The following PBDC1 variants were observed in gnomAD, a reference collection of about 807,000 sequenced individuals.
PBDC1 encodes the protein protein PBDC1.
Under a neutral mutation model 12.0 loss-of-function variants are expected in PBDC1, and 3 were observed. The observed-to-expected ratio is 0.25, with a 90% CI of 0.11 to 0.64. The LOEUF is 0.64. Ranked by LOEUF, PBDC1 falls within the 30% of genes least tolerant of loss-of-function variation. The pLI is 0.84. For synonymous variants in PBDC1, 64 were observed against 56.4 expected (o/e 1.13, Z -0.60); for missense variants, 162 against 168.1 (o/e 0.96, Z 0.20).
At chrX:76,176,074 G>A (rs1184509903) in intron 4 of PBDC1, among the ~76,000 whole-genome samples, 1 of 111,590 alleles carries the variant, frequency 9.0e-6, no homozygotes, top group Non-Finnish European at 1.9e-5. Flanking sequence ...GGAAAAAAAT[G>A]TTTTCCTTGA....
intron 2 of PBDC1, among the ~76,000 whole-genome samples, chrX:76,174,306 C>T (rs182815566): frequency 5.4e-5 from 6 of 111,126 alleles, no homozygotes; most frequent in African/African-American, 9.8e-5. Flanking sequence ...ATGCAAATGG[C>T]TTTTTCTGGA....
At chrX:76,176,286 T>C (rs1429556828) in intron 4 of PBDC1, among the ~76,000 whole-genome samples, 1 of 110,132 alleles carries the variant, frequency 9.1e-6, no homozygotes, top group Non-Finnish European at 1.9e-5. Flanking sequence ...CCCTAGTAGG[T>C]GGGACTGCAG....
chrX:76,174,789 G>A (rs1924747470), intron 2 of PBDC1, 101 bp from the exon 3 acceptor site: 2 of 602,308 alleles, frequency 3.3e-6, no homozygotes, highest in Middle Eastern at 3.2e-4. Context: ...AAGTTTGGTA[G>A]CCCTCTTGAG....
Position 76,177,753 on chromosome X carries a change from G to A in PBDC1, c.547G>A (p.Glu183Lys), listed in dbSNP as rs782526685. 1 of 1,208,745 alleles carries A rather than the reference G, an allele frequency of 8.3e-7. No homozygotes were observed. Among genetic ancestry groups the A allele is most frequent in the Non-Finnish European group, 1.1e-6 (1 of 894,331 alleles). ...AGGAGAAAAAAGAGCTGACAGTGGA[G>A]AAGAAGAGAACACCAAGAATGGAGG... Reference protein sequence around the residue: ...NGGEKRADSGEEENTKNGGEK... With the variant: ...NGGEKRADSGKEENTKNGGEK... The change falls in exon 6 of 6, where the codon GAA becomes AAA. Residue 183 changes from glutamate (E) to lysine (K), a missense_variant. This residue lies in a region of PBDC1 where 100 missense variants were observed against 96.2 expected (regional missense o/e 1.04). Coordinates refer to ENST00000373358, the MANE Select transcript of PBDC1 (RefSeq NM_016500.5).
In PBDC1 at chrX:76,173,647, C is replaced by A; in HGVS notation, c.93C>A (p.Asn31Lys). 1.7e-6 allele frequency: 2 copies of A among 1,180,280 alleles called. No homozygotes were observed. The highest frequency in any genetic ancestry group is 2.3e-6 in the Non-Finnish European group (2 of 877,286). Residue 31 changes from asparagine (N) to lysine (K), a missense_variant, in exon 2 of 6, where the codon AAC becomes AAA. Around this residue, in one of 3 missense-constraint regions of PBDC1, gnomAD observed 41 missense variants for 28.5 expected, o/e 1.44. Coordinates refer to ENST00000373358, the MANE Select transcript of PBDC1 (RefSeq NM_016500.5). ...ALSLPAESYG[N>K]DPDIEMAWAM... is the part of the protein sequence containing the mutation. ...CTCTCCCAGCAGAGTCGTATGGCAA[C>A]GATGTGAGTATGACTCACCCACAGC...
Position 76,173,567 on chromosome X carries a change from CT to C in PBDC1, c.31-13del, listed in dbSNP as rs1556796632. 3 of 1,180,963 alleles carry C rather than the reference CT, an allele frequency of 2.5e-6. No homozygotes were observed. The highest frequency in any genetic ancestry group is 3.0e-5 in the East Asian group (1 of 33,126). ...CCGGCCTTGGGGGGAGCCTTGAACT[CT>C]TTTTCCTCCTTTCTAGGTTTCCGGG... On this transcript the variant is annotated splice_polypyrimidine_tract_variant and intron_variant, in intron 1 of 5. Coordinates refer to ENST00000373358, the MANE Select transcript of PBDC1 (RefSeq NM_016500.5).
In PBDC1 at chrX:76,175,058, G is replaced by A. The variant is rs184332824; in HGVS notation, c.156+109G>A. 11 of 651,530 alleles carry A rather than the reference G, an allele frequency of 1.7e-5. No individual in the cohort carries two copies. The East Asian group carries it at 3.0e-4, about 18-fold the overall frequency. 53.7% of individuals were successfully genotyped at this position (651,530 alleles called of 1,213,427 possible). ...GTTAAACAGTTGTGTTTTGGAGATC[G>A]TTTTTATTAATGTAAGTTCTTACCC... On this transcript the variant is annotated intron_variant, in intron 3 of 5. Coordinates refer to ENST00000373358, the MANE Select transcript of PBDC1 (RefSeq NM_016500.5).
rs781806861 is a variant in PBDC1, at chrX:76,177,972, A to G, written c.*64A>G. ...TTGAGACTACAAGTACCACGGTGCTACTTGCACAGACCCCTTTGGTTAAAT... is the reference window on the plus strand; with the variant it reads ...TTGAGACTACAAGTACCACGGTGCTGCTTGCACAGACCCCTTTGGTTAAAT... On this transcript the variant is annotated 3_prime_UTR_variant, in exon 6 of 6. Coordinates refer to ENST00000373358, the MANE Select transcript of PBDC1 (RefSeq NM_016500.5). 8.4e-7 allele frequency: 1 copy of G among 1,188,687 alleles called. No individual in the cohort carries two copies. The highest frequency in any genetic ancestry group is 1.8e-5 in the African/African-American group (1 of 55,875).
chrX:76,173,209 G>A (rs1272922872), intron 1 of PBDC1, 41 bp downstream of exon 1: 41 of 1,080,896 alleles, frequency 3.8e-5, no homozygotes, highest in Non-Finnish European at 5.0e-5. Context: ...GGGAGGTCGA[G>A]CCAGGTGGAG....
At chrX:76,177,275 C>T (rs1430746902) in intron 5 of PBDC1, among the ~76,000 whole-genome samples, 1 of 111,337 alleles carries the variant, frequency 9.0e-6, no homozygotes, top group Non-Finnish European at 1.9e-5. Flanking sequence ...AGGCCAGGCA[C>T]AGTGTCTCAT....
chrX:76,174,286 G>A (rs1924733461), intron 2 of PBDC1, among the ~76,000 whole-genome samples: 1 of 111,464 alleles, frequency 9.0e-6, no homozygotes, highest in Non-Finnish European at 1.9e-5. Flanking sequence ...CTAAGGCATG[G>A]AGGTAACAAA....
Position 76,177,964 on chromosome X carries a change from A to G in PBDC1, c.*56A>G. On this transcript the variant is annotated 3_prime_UTR_variant, in exon 6 of 6. Coordinates refer to ENST00000373358, the MANE Select transcript of PBDC1 (RefSeq NM_016500.5). Reference sequence around the variant, plus strand: ...TGACTCAATTGAGACTACAAGTACCACGGTGCTACTTGCACAGACCCCTTT... The same window carrying G: ...TGACTCAATTGAGACTACAAGTACCGCGGTGCTACTTGCACAGACCCCTTT... 8.3e-7 allele frequency: 1 copy of G among 1,198,347 alleles called. No homozygotes were observed. Among genetic ancestry groups the G allele is most frequent in the Non-Finnish European group, 1.1e-6 (1 of 890,190 alleles).
At chrX:76,177,141 T>G (rs781987386) in intron 5 of PBDC1, 149 bp downstream of exon 5, 1 of 420,347 alleles carries the variant, frequency 2.4e-6, no homozygotes, top group South Asian at 4.6e-5. Flanking sequence ...TTGAAGATAG[T>G]TAAGTATTTT....
chrX:76,177,487 G>T, intron 5 of PBDC1, 129 bp from the exon 6 acceptor site: 1 of 550,364 alleles, frequency 1.8e-6, no homozygotes, highest in South Asian at 3.6e-5. Flanking sequence ...GGAAATTGAG[G>T]CTGCAGTAAG....
chrX:76,176,588 G>GA (rs1234825215), intron 4 of PBDC1, among the ~76,000 whole-genome samples: 2 of 111,915 alleles, frequency 1.8e-5, no homozygotes, highest in Non-Finnish European at 3.8e-5. Context: ...GGGCTGAACT[G>GA]ACCAATAACT....
Position 76,173,476 on chromosome X carries a change from G to T in PBDC1, c.31-109G>T, listed in dbSNP as rs781962364. The T allele has an allele frequency of 4.5e-4, 249 of 549,490 alleles. No individual in the cohort carries two copies. The African/African-American group carries it at 5.7e-3, about 13-fold the overall frequency. The allele number at this position is 549,490 out of a possible 1,213,427, so 45.3% of individuals were successfully genotyped here. ...GGGCTCAGGCGATCCGCCCGCCTCG[G>T]CCTCCCAAAGTGCTGGGATTACAGG... On this transcript the variant is annotated intron_variant, in intron 1 of 5. Coordinates refer to ENST00000373358, the MANE Select transcript of PBDC1 (RefSeq NM_016500.5).
chrX:76,175,449 G>A, intron 3 of PBDC1, 24 bp from the exon 4 acceptor site: 2 of 1,198,996 alleles, frequency 1.7e-6, no homozygotes, highest in Non-Finnish European at 2.3e-6. Context: ...ACTAGCATCT[G>A]TATGTTGTCT....
rs201962153 is a variant in PBDC1 at position 76,177,874 on chromosome X, A to C, written c.668A>C (p.Lys223Thr). The change falls in exon 6 of 6, where the codon AAA becomes ACA. Residue 223 changes from lysine (K) to threonine (T), a missense_variant. Coordinates refer to ENST00000373358, the MANE Select transcript of PBDC1 (RefSeq NM_016500.5). ...KGGEKGKEAD[K>T]EINKSGEKAM ...GGAGAAAAAGGGAAAGAAGCTGACAAAGAAATCAACAAAAGTGGTGAAAAA... is the reference window on the plus strand; with the variant it reads ...GGAGAAAAAGGGAAAGAAGCTGACACAGAAATCAACAAAAGTGGTGAAAAA... 3 of 1,209,813 alleles carry C rather than the reference A, an allele frequency of 2.5e-6. No homozygotes were observed. The highest frequency in any genetic ancestry group is 3.0e-5 in the East Asian group (1 of 33,744).
Position 76,176,862 on chromosome X carries a change from A to G in PBDC1, c.298-19A>G. On this transcript the variant is annotated intron_variant, in intron 4 of 5. Coordinates refer to ENST00000373358, the MANE Select transcript of PBDC1 (RefSeq NM_016500.5). The stretch of plus-strand genomic sequence containing the variant: ...GCCTCTTGCATTTGTCAGCTAAAGC[A>G]TCGTTTTTGCCTTTATAGAAGTGGA... The G allele has an allele frequency of 9.2e-7, 1 of 1,091,362 alleles. No homozygotes were observed. Among genetic ancestry groups the G allele is most frequent in the South Asian group, 1.9e-5 (1 of 53,843 alleles). 89.9% of individuals were successfully genotyped at this position (1,091,362 alleles called of 1,213,427 possible).
Sources: gnomAD v4.1 joint callset for allele counts (sites outside exome capture counted in the v4.1 genomes callset) on GRCh38, gnomAD v4.1.1 for gene constraint, gnomAD v4.1.1 regional missense constraint, MANE v1.5 for transcripts, NCBI Gene and HGNC (gene_info 2026-07-23, HGNC 2026-07-21) for gene names.